PSMG2: variants seen among roughly 807,000 people sequenced by gnomAD.
PSMG2 encodes CD40 ligand-activated specific transcript 3.
Under a neutral mutation model 31.5 loss-of-function variants are expected in PSMG2, and 21 were observed. That is an observed-to-expected ratio of 0.67 (90% confidence interval 0.47 to 0.96). The LOEUF (loss-of-function observed/expected upper bound fraction) is 0.96. Ranked by LOEUF, PSMG2 falls within the 40% of genes least tolerant of loss-of-function variation. The pLI is 0.00. For synonymous variants in PSMG2, 120 were observed against 110.4 expected (o/e 1.09, Z -0.54); for missense variants, 318 against 321.2 (o/e 0.99, Z 0.08).
At chr18:12,667,130 T>A (rs1449723491) in intron 1 of PSMG2, among the ~76,000 whole-genome samples, 1 of 152,158 alleles carries the variant, frequency 6.6e-6, no homozygotes, top group Non-Finnish European at 1.5e-5. Flanking sequence ...AAAATAGTGA[T>A]AAAAATCATT....
At chr18:12,700,013 C>T (rs933481231), upstream of PSMG2, 79 of 557,490 alleles carry the variant, frequency 1.4e-4, no homozygotes, top group Non-Finnish European at 2.2e-4. Flanking sequence ...CAGGGTAAGG[C>T]CCTTTCAAAG....
At position 12,706,672 on chromosome 18, in the gene PSMG2, A is replaced by G. The variant is rs1056051588; in HGVS notation, c.180A>G (p.Pro60=). ...TTGTGCCAATGGTTGGAAACAATCC[A>G]TATGCGACCACAGAAGGAAATTCAA... ...DCLVPMVGNN[P]YATTEGNSTE... The change falls in exon 2 of 7, where the codon CCA becomes CCG. Residue 60 remains proline (P), a synonymous_variant. Coordinates refer to ENST00000317615, the MANE Select transcript of PSMG2 (RefSeq NM_020232.5). 8.1e-6 allele frequency: 13 copies of G among 1,612,144 alleles called. No homozygotes were observed. In the East Asian group the frequency reaches 1.6e-4, roughly 19 times the overall value.
chr18:12,686,658 G>A (rs907707115), intron 1 of PSMG2: 1 of 410,348 alleles, frequency 2.4e-6, no homozygotes, highest in South Asian at 2.9e-5. Context: ...GAAAACTGAG[G>A]AGCTACAGCT....
chr18:12,719,970 G>A (rs564807237), intron 4 of PSMG2, among the ~76,000 whole-genome samples: 3 of 152,158 alleles, frequency 2.0e-5, no homozygotes, highest in African/African-American at 7.2e-5. Context: ...GCCTGCCTGG[G>A]CCTCCCAAAG....
At chr18:12,697,471 A>T in intron 1 of PSMG2, 6 of 1,075,272 alleles carry the variant, frequency 5.6e-6, no homozygotes, top group Non-Finnish European at 8.0e-6. Flanking sequence ...AACATAAAAG[A>T]ATACTTTTAT....
At chr18:12,670,329 C>CA (rs201302290) in intron 1 of PSMG2, 13,466 of 142,966 alleles carry the variant, frequency 0.094, 817 homozygotes, top group Non-Finnish European at 0.13. Context: ...GACTCTGTCT[C>CA]AAAAAAAAAA....
At chr18:12,674,420 C>A in intron 1 of PSMG2, 1 of 706,546 alleles carries the variant, frequency 1.4e-6, no homozygotes, top group South Asian at 2.0e-5. Flanking sequence ...CCAGCATGGG[C>A]AGCAGAGCAA....
chr18:12,682,442 G>A (rs1292069903), intron 1 of PSMG2, among the ~76,000 whole-genome samples: 1 of 152,092 alleles, frequency 6.6e-6, no homozygotes, highest in Non-Finnish European at 1.5e-5. Flanking sequence ...GCTTGCCTCA[G>A]CCTCCCAAAG....
intron 5 of PSMG2, among the ~76,000 whole-genome samples, 153 bp downstream of exon 5, chr18:12,720,836 C>G (rs1254572291): frequency 1.9e-4 from 29 of 151,036 alleles, no homozygotes; most frequent in Admixed American, 1.9e-3. Context: ...AAAATTAAGT[C>G]AGAGAATGTA....
chr18:12,699,685 AACAATC>A (rs2040084919), upstream of PSMG2: 8 of 533,786 alleles, frequency 1.5e-5, no homozygotes, highest in East Asian at 2.6e-4. Flanking sequence ...CTTCATGCAA[AACAATC>A]TGTTTTAGCC....
At chr18:12,699,888 T>A (rs756310406), upstream of PSMG2, 1 of 1,597,240 alleles carries the variant, frequency 6.3e-7, no homozygotes, top group South Asian at 1.1e-5. Context: ...AGGAAGGGAG[T>A]TCTTGCTCAA....
intron 1 of PSMG2, among the ~76,000 whole-genome samples, chr18:12,668,205 C>T (rs2038844172): frequency 6.6e-6 from 1 of 152,028 alleles, no homozygotes; most frequent in Admixed American, 6.6e-5. Flanking sequence ...GTGGAGGTTG[C>T]ATTGATCTGA....
intron 1 of PSMG2, chr18:12,671,002 G>GA (rs769095210): frequency 6.6e-6 from 1 of 152,110 alleles, no homozygotes; most frequent in African/African-American, 2.4e-5. Flanking sequence ...AGTCTCACAA[G>GA]AAACATCTGA....
intron 1 of PSMG2, chr18:12,686,647 T>C (rs1293814087): frequency 2.3e-6 from 1 of 433,484 alleles, no homozygotes; most frequent in African/African-American, 2.0e-5. Context: ...ATTTTATAGA[T>C]GAAAACTGAG....
At chr18:12,709,974 G>C (rs1367423356) in intron 2 of PSMG2, among the ~76,000 whole-genome samples, 5 of 136,840 alleles carry the variant, frequency 3.7e-5, no homozygotes, top group Admixed American at 1.5e-4. Flanking sequence ...ATGGAGTCTT[G>C]CTCTGTCGCC....
Position 12,686,675 on chromosome 18 carries a change from C to T in PSMG2, c.-36-19875C>T, listed in dbSNP as rs2039550553. ...AAACTGAGGAGCTACAGCTATTATG[C>T]AACAGAGCCAGGTTCAAGCTCTGAG... On this transcript the variant is annotated intron_variant, in intron 1 of 6. Transcript: ENST00000585331. 1.1e-5 allele frequency: 4 copies of T among 363,812 alleles called. No homozygotes were observed. The South Asian group carries it at 1.3e-4, about 12-fold the overall frequency. The allele number at this position is 363,812 out of a possible 1,614,324, so 22.5% of individuals were successfully genotyped here.
At position 12,666,436 on chromosome 18, in the gene PSMG2, G is replaced by GTTT. The variant is rs557490556; in HGVS notation, c.-37+7680_-37+7682dup. Among the ~76,000 whole-genome samples the GTTT allele has an allele frequency of 9.5e-4, 120 of 126,598 alleles. 1 individual carries two copies. The highest frequency in any genetic ancestry group is 1.4e-3 in the Non-Finnish European group (84 of 60,546). The allele number at this position is 126,598 out of a possible 152,430, so 83.1% of individuals were successfully genotyped here. On this transcript the variant is annotated intron_variant, in intron 1 of 6. Coordinates refer to the PSMG2 transcript ENST00000585331. ...TTTTCAGGGTTAACAAAATTTTATG[G>GTTT]TTTTTTTTTTTTTTTTTTTGTGAGG...
intron 1 of PSMG2, among the ~76,000 whole-genome samples, chr18:12,681,513 G>A (rs1186008125): frequency 1.3e-5 from 2 of 151,972 alleles, no homozygotes; most frequent in Non-Finnish European, 2.9e-5. Context: ...GCCTCCCAAA[G>A]TGTTGGGATT....
intron 1 of PSMG2, among the ~76,000 whole-genome samples, chr18:12,671,917 TTCAAG>T (rs1376628487): frequency 1.3e-5 from 2 of 152,034 alleles, no homozygotes; most frequent in Non-Finnish European, 1.5e-5. Context: ...GCCTCCCAGG[TTCAAG>T]CGATTCTCCT....
Sources: gnomAD v4.1 joint callset for allele counts (sites outside exome capture counted in the v4.1 genomes callset) on GRCh38, gnomAD v4.1.1 for gene constraint, MANE v1.5 for transcripts, NCBI Gene and HGNC (gene_info 2026-07-23, HGNC 2026-07-21) for gene names.